The following SLC7A2 variants were observed in gnomAD, a reference collection of about 807,000 sequenced individuals.
SLC7A2 encodes solute carrier family 7 member 2.
A neutral mutation model predicts 58.9 loss-of-function variants in SLC7A2; 48 were observed. The ratio of observed to expected loss-of-function variants is 0.82; its 90% CI spans 0.65 to 1.04. SLC7A2 has a LOEUF of 1.04. Ranked by LOEUF, SLC7A2 falls within the 50% of genes least tolerant of loss-of-function variation. SLC7A2 has a pLI of 0.00. For missense variants in SLC7A2, 1,029 were observed against 818.8 expected (o/e 1.26, Z -3.13); for synonymous variants, 363 against 314.5 (o/e 1.15, Z -1.63).
chr8:17,505,816 A>G (rs946696748), intron 2 of SLC7A2, among the ~76,000 whole-genome samples: 3 of 152,220 alleles, frequency 2.0e-5, no homozygotes, highest in African/African-American at 7.2e-5. Flanking sequence ...CTGAGATTTA[A>G]TAAACTTACA....
upstream of SLC7A2, among the ~76,000 whole-genome samples, chr8:17,495,457 G>T (rs1799934349): frequency 6.6e-6 from 1 of 152,196 alleles, no homozygotes; most frequent in African/African-American, 2.4e-5. Flanking sequence ...GTAAAAATAA[G>T]TTTACTTTGA....
chr8:17,512,403 T>G (rs770899699), intron 2 of SLC7A2, among the ~76,000 whole-genome samples: 1 of 152,026 alleles, frequency 6.6e-6, no homozygotes, highest in Non-Finnish European at 1.5e-5. Context: ...AAAAATTAGC[T>G]GGGCATGGTG....
At chr8:17,556,051 G>A (rs1244416292) in intron 8 of SLC7A2, among the ~76,000 whole-genome samples, 1 of 152,086 alleles carries the variant, frequency 6.6e-6, no homozygotes, top group African/African-American at 2.4e-5. Context: ...GAATGTATTT[G>A]TTTAAACACT....
At chr8:17,499,749 G>A (rs2150634647) in intron 1 of SLC7A2, among the ~76,000 whole-genome samples, 1 of 152,210 alleles carries the variant, frequency 6.6e-6, no homozygotes, top group Admixed American at 6.5e-5. Context: ...GATAGCACTT[G>A]TCTAAATGGG....
At chr8:17,561,733 T>C (rs1585272095) in intron 10 of SLC7A2, among the ~76,000 whole-genome samples, 1 of 150,860 alleles carries the variant, frequency 6.6e-6, no homozygotes, top group Non-Finnish European at 1.5e-5. Flanking sequence ...GAGGGGAGAG[T>C]AATGAGTAAA....
chr8:17,513,804 C>T (rs1032313822), intron 2 of SLC7A2, among the ~76,000 whole-genome samples: 2 of 152,138 alleles, frequency 1.3e-5, no homozygotes, highest in African/African-American at 2.4e-5. Flanking sequence ...CTTACAACAG[C>T]GCTAAGAGGG....
chr8:17,503,078 T>C (rs774249498), intron 2 of SLC7A2, among the ~76,000 whole-genome samples: 23 of 151,948 alleles, frequency 1.5e-4, no homozygotes, highest in Non-Finnish European at 2.9e-4. Flanking sequence ...TGAGACAGAG[T>C]CTCACTCTGT....
intron 10 of SLC7A2, among the ~76,000 whole-genome samples, chr8:17,561,671 C>A (rs764589073): frequency 6.6e-6 from 1 of 152,128 alleles, no homozygotes; most frequent in African/African-American, 2.4e-5. Flanking sequence ...ACAGATGGCA[C>A]GTGGGCAGAT....
chr8:17,543,652 G>T lies in SLC7A2; in HGVS notation c.313G>T (p.Val105Leu). The T allele has an allele frequency of 1.9e-6, 3 of 1,551,152 alleles. No individual in the cohort carries two copies. Among genetic ancestry groups the T allele is most frequent in the Non-Finnish European group, 1.7e-6 (2 of 1,150,336 alleles). ...KTGSAYLYTY[V>L]TVGELWAFIT... Reference sequence around the variant, plus strand: ...GGGGTCTGCATATTTGTACACCTACGTGACTGTCGGAGAGCTGTGGGCCTT... The same window carrying T: ...GGGGTCTGCATATTTGTACACCTACTTGACTGTCGGAGAGCTGTGGGCCTT... The change falls in exon 3 of 13, where the codon GTG becomes TTG. Residue 105 changes from valine (V) to leucine (L), a missense_variant. By Grantham distance (32) the Val-to-Leu change is conservative. Coordinates refer to ENST00000494857, the MANE Select transcript of SLC7A2 (RefSeq NM_001370338.1).
intron 2 of SLC7A2, among the ~76,000 whole-genome samples, chr8:17,532,186 C>T (rs941630361): frequency 7.8e-5 from 10 of 128,984 alleles, no homozygotes; most frequent in Non-Finnish European, 9.4e-5. Context: ...GCTGAGATTG[C>T]GCCACTACAC....
chr8:17,551,995 C>A lies in SLC7A2; in HGVS notation c.1055+9C>A, dbSNP rs758398331. On this transcript the variant is annotated intron_variant, in intron 7 of 12. Transcript: ENST00000494857. ...TGCGCCTTGTCAACAAGGTACATTG[C>A]ATCGCCTTTGGGGCACGGGCTGTTT... 7.4e-6 allele frequency: 12 copies of A among 1,612,106 alleles called. No homozygotes were observed. Among genetic ancestry groups the A allele is most frequent in the Admixed American group, 5.0e-5 (3 of 59,990 alleles).
At chr8:17,553,026 C>T (rs978931978) in intron 7 of SLC7A2, among the ~76,000 whole-genome samples, 1 of 152,116 alleles carries the variant, frequency 6.6e-6, no homozygotes, top group African/African-American at 2.4e-5. Flanking sequence ...ATTAGACACT[C>T]TTGGTTTCTC....
chr8:17,563,187 C>G (rs1803102148), intron 11 of SLC7A2, among the ~76,000 whole-genome samples: 1 of 152,056 alleles, frequency 6.6e-6, no homozygotes, highest in African/African-American at 2.4e-5. Context: ...AGATAAGCTC[C>G]TCCACTGCAA....
intron 2 of SLC7A2, among the ~76,000 whole-genome samples, chr8:17,508,630 A>G (rs1800471028): frequency 2.0e-5 from 3 of 152,132 alleles, no homozygotes; most frequent in Admixed American, 6.5e-5. Flanking sequence ...AGGCTGCGGT[A>G]TGAGAATCAT....
At chr8:17,514,660 A>G (rs1179189171) in intron 2 of SLC7A2, among the ~76,000 whole-genome samples, 2 of 152,184 alleles carry the variant, frequency 1.3e-5, no homozygotes, top group Non-Finnish European at 2.9e-5. Flanking sequence ...TTCCACAGTC[A>G]TTTCTTAGGC....
At chr8:17,541,460 C>T (rs1801908092) in intron 2 of SLC7A2, among the ~76,000 whole-genome samples, 1 of 152,190 alleles carries the variant, frequency 6.6e-6, no homozygotes, top group African/African-American at 2.4e-5. Flanking sequence ...GGCACTCTGT[C>T]AGGTTGGCAC....
intron 1 of SLC7A2, among the ~76,000 whole-genome samples, chr8:17,498,396 G>A (rs966636458): frequency 2.6e-5 from 4 of 152,204 alleles, no homozygotes; most frequent in Admixed American, 2.6e-4. Flanking sequence ...AACATTCTGT[G>A]TTTGTAATCT....
chr8:17,527,600 G>A (rs1801270962), intron 2 of SLC7A2, among the ~76,000 whole-genome samples: 1 of 152,184 alleles, frequency 6.6e-6, no homozygotes, highest in Admixed American at 6.5e-5. Context: ...CTGCAGGGGA[G>A]GGTCATTCCT....
chr8:17,504,797 C>G (rs961489526), intron 2 of SLC7A2, among the ~76,000 whole-genome samples: 1 of 152,188 alleles, frequency 6.6e-6, no homozygotes, highest in Non-Finnish European at 1.5e-5. Flanking sequence ...CTGACTCAAA[C>G]AGGAGAACTA....
Sources: allele counts gnomAD v4.1 joint callset (sites outside exome capture counted in the v4.1 genomes callset), GRCh38; gene constraint gnomAD v4.1.1; transcripts MANE v1.5; gene names NCBI Gene and HGNC (gene_info 2026-07-23, HGNC 2026-07-21).